Variants in PIP5K1B observed in about 807,000 individuals in gnomAD.
The protein encoded by PIP5K1B is phosphatidylinositol-4-phosphate 5-kinase type 1 beta.
A neutral mutation model predicts 67.0 loss-of-function variants in PIP5K1B; 42 were observed. The observed-to-expected ratio is 0.63, with a 90% CI of 0.49 to 0.81. The LOEUF (loss-of-function observed/expected upper bound fraction) is 0.81. Among genes scored for constraint, PIP5K1B ranks in the 30% least tolerant of loss-of-function variants. The pLI, the probability that PIP5K1B is intolerant of heterozygous loss-of-function variation, is 0.00. For synonymous variants in PIP5K1B, 214 were observed against 231.4 expected, an observed-to-expected ratio of 0.92 and a Z score of 0.68; for missense variants, 459 against 646.3, an observed-to-expected ratio of 0.71 and a Z score of 3.14.
chr9:68,953,124 G>T (rs1252787910), intron 14 of PIP5K1B, among the ~76,000 whole-genome samples: 1 of 151,614 alleles, frequency 6.6e-6, no homozygotes, highest in East Asian at 1.9e-4. Flanking sequence ...TCCTGGATTT[G>T]TCTTCCAATT....
intron 12 of PIP5K1B, among the ~76,000 whole-genome samples, chr9:68,927,369 T>G (rs1394418394): frequency 6.6e-6 from 1 of 152,230 alleles, no homozygotes; most frequent in African/African-American, 2.4e-5. Context: ...AGCAGCTGTG[T>G]CATTTTACAA....
At chr9:68,854,902 T>C (rs533582399) in intron 4 of PIP5K1B, among the ~76,000 whole-genome samples, 34 of 152,348 alleles carry the variant, frequency 2.2e-4, no homozygotes, top group Admixed American at 7.2e-4. Context: ...AATTTTATGA[T>C]CTGTATTGTG....
chr9:68,859,213 A>C (rs1430924563), intron 4 of PIP5K1B, among the ~76,000 whole-genome samples: 1 of 152,234 alleles, frequency 6.6e-6, no homozygotes, highest in East Asian at 1.9e-4. Flanking sequence ...GATCGTTAAA[A>C]GACAGTGCTT....
chr9:69,003,644 C>T (rs937523889), intron 15 of PIP5K1B, among the ~76,000 whole-genome samples: 2 of 152,028 alleles, frequency 1.3e-5, no homozygotes, highest in South Asian at 2.1e-4. Context: ...CAGAAATTCT[C>T]GATATGTTTG....
intron 3 of PIP5K1B, among the ~76,000 whole-genome samples, chr9:68,819,774 C>A (rs1382074553): frequency 6.6e-6 from 1 of 152,154 alleles, no homozygotes. Flanking sequence ...TCTCCGACTC[C>A]AATGCCCCTG....
chr9:68,741,330 C>T (rs2132316948), intron 1 of PIP5K1B, among the ~76,000 whole-genome samples: 1 of 152,276 alleles, frequency 6.6e-6, no homozygotes, highest in East Asian at 1.9e-4. Context: ...TTTGCAGTTT[C>T]TTTGGAATTT....
chr9:68,941,307 T>A (rs1320499146), intron 14 of PIP5K1B, among the ~76,000 whole-genome samples: 2 of 152,224 alleles, frequency 1.3e-5, no homozygotes, highest in Non-Finnish European at 2.9e-5. Context: ...TGAAATGGGA[T>A]GATTATCCTG....
At chr9:68,745,173 G>A (rs968255619) in intron 2 of PIP5K1B, among the ~76,000 whole-genome samples, 1 of 152,162 alleles carries the variant, frequency 6.6e-6, no homozygotes, top group Non-Finnish European at 1.5e-5. Context: ...TGCTCTCCAG[G>A]TAGTCCTGTT....
At chr9:68,710,086 A>T (rs997422659) in intron 1 of PIP5K1B, among the ~76,000 whole-genome samples, 6 of 152,214 alleles carry the variant, frequency 3.9e-5, no homozygotes, top group Admixed American at 1.3e-4. Flanking sequence ...GAGTCAGAAC[A>T]TTTAATATCC....
intron 5 of PIP5K1B, 52 bp downstream of exon 5, chr9:68,864,019 GA>G (rs1321901903): frequency 1.3e-6 from 2 of 1,571,964 alleles, no homozygotes; most frequent in Non-Finnish European, 1.7e-6. Context: ...CCTTCTTTGT[GA>G]CAACCCCATA....
chr9:68,770,601 G>A lies in PIP5K1B; in HGVS notation c.-86+27944G>A, dbSNP rs190915776. ...GAGCAGCAGGCCAGTGAGTCTTACT[G>A]CCTGAGCCCCGCCTCCTGTTGGATC... On this transcript the variant is annotated intron_variant, in intron 2 of 15. Transcript: ENST00000265382. Among the ~76,000 whole-genome samples, 342 of 152,296 alleles carry A rather than the reference G, an allele frequency of 2.2e-3. 1 individual carries two copies. The highest frequency in any genetic ancestry group is 3.7e-3 in the Non-Finnish European group (254 of 68,014).
At chr9:68,723,067 A>G (rs1287691160) in intron 1 of PIP5K1B, among the ~76,000 whole-genome samples, 1 of 152,076 alleles carries the variant, frequency 6.6e-6, no homozygotes, top group Non-Finnish European at 1.5e-5. Context: ...TTCTGTGCCT[A>G]GCTTATTTCA....
At chr9:68,929,756 G>T (rs1431343826) in intron 12 of PIP5K1B, among the ~76,000 whole-genome samples, 2 of 152,114 alleles carry the variant, frequency 1.3e-5, no homozygotes, top group Non-Finnish European at 2.9e-5. Context: ...TGCAACCTCT[G>T]CCTCCCAGGT....
chr9:68,812,982 G>A (rs1037024857), intron 2 of PIP5K1B, among the ~76,000 whole-genome samples: 3 of 152,198 alleles, frequency 2.0e-5, no homozygotes, highest in Non-Finnish European at 2.9e-5. Context: ...TGCTTCTAGC[G>A]CAGGGAGCAT....
At chr9:68,966,449 T>A (rs1829037684) in intron 14 of PIP5K1B, 1 of 152,222 alleles carries the variant, frequency 6.6e-6, no homozygotes, top group African/African-American at 2.4e-5. Context: ...CTTAATATGG[T>A]ACTTGACCTC....
intron 14 of PIP5K1B, among the ~76,000 whole-genome samples, chr9:68,957,171 C>T (rs1412124400): frequency 6.6e-6 from 1 of 151,798 alleles, no homozygotes; most frequent in East Asian, 1.9e-4. Context: ...TACAAGATGG[C>T]TGCCATAGCT....
intron 4 of PIP5K1B, among the ~76,000 whole-genome samples, chr9:68,855,695 C>A (rs1822735340): frequency 6.6e-6 from 1 of 152,172 alleles, no homozygotes. Context: ...TCGTTCATCA[C>A]CCTTCTCTAA....
chr9:68,721,207 G>A (rs1827866143), intron 1 of PIP5K1B, among the ~76,000 whole-genome samples: 1 of 152,174 alleles, frequency 6.6e-6, no homozygotes, highest in South Asian at 2.1e-4. Flanking sequence ...GAGAAGTGAT[G>A]AGGTCATATT....
intron 14 of PIP5K1B, among the ~76,000 whole-genome samples, chr9:68,948,046 A>G (rs1827886920): frequency 6.6e-6 from 1 of 152,208 alleles, no homozygotes; most frequent in Admixed American, 6.5e-5. Context: ...CACCCCTGCA[A>G]CATCTTATCT....
Sources: gnomAD v4.1 joint callset for allele counts (sites outside exome capture counted in the v4.1 genomes callset) on GRCh38, gnomAD v4.1.1 for gene constraint, MANE v1.5 for transcripts, NCBI Gene and HGNC (gene_info 2026-07-23, HGNC 2026-07-21) for gene names.